SGCD: variants seen among roughly 807,000 people sequenced by gnomAD.
SGCD encodes the protein sarcoglycan delta, also known as delta-sarcoglycan.
SGCD carries 18 observed loss-of-function variants against 36.6 expected under a neutral mutation model. That is an observed-to-expected ratio of 0.49 (90% CI 0.34 to 0.73). The LOEUF (loss-of-function observed/expected upper bound fraction) is 0.73. SGCD is among the 30% of genes least tolerant of loss of function. The pLI is 0.01. For synonymous variants in SGCD, 133 were observed against 130.6 expected, an observed-to-expected ratio of 1.02 and a Z score of -0.12; for missense variants, 387 against 346.7, an observed-to-expected ratio of 1.12 and a Z score of -0.92.
intron 1 of SGCD, among the ~76,000 whole-genome samples, chr5:155,962,019 A>C (rs2113450934): frequency 6.6e-6 from 1 of 152,220 alleles, no homozygotes; most frequent in South Asian, 2.1e-4. Flanking sequence ...TACGCATCAA[A>C]TGCTTTATTG....
intron 3 of SGCD, among the ~76,000 whole-genome samples, chr5:156,482,795 GTAT>G (rs1400610406): frequency 1.6e-5 from 2 of 127,730 alleles, no homozygotes; most frequent in African/African-American, 5.8e-5. Flanking sequence ...AGAGCAGGTA[GTAT>G]TATCCTTTTG....
chr5:156,405,593 A>C (rs545793666), intron 3 of SGCD, among the ~76,000 whole-genome samples: 1 of 152,218 alleles, frequency 6.6e-6, no homozygotes, highest in Non-Finnish European at 1.5e-5. Context: ...CCCATCTGTC[A>C]TCTAAATTTT....
intron 3 of SGCD, among the ~76,000 whole-genome samples, chr5:156,202,498 G>A (rs1330634523): frequency 1.3e-5 from 2 of 152,118 alleles, no homozygotes; most frequent in East Asian, 3.9e-4. Context: ...TTAGCACTGA[G>A]ATTTCTTGAC....
intron 1 of SGCD, among the ~76,000 whole-genome samples, chr5:155,896,487 A>C (rs79661258): frequency 3.1e-5 from 4 of 130,348 alleles, no homozygotes; most frequent in East Asian, 2.3e-4. Context: ...AAAAAAAAAA[A>C]ACACAAGAAT....
At chr5:155,945,142 T>G (rs921920071) in intron 1 of SGCD, among the ~76,000 whole-genome samples, 31 of 152,110 alleles carry the variant, frequency 2.0e-4, no homozygotes, top group Non-Finnish European at 1.5e-4. Context: ...CAAATGAAAA[T>G]TTTGAGAACC....
chr5:156,129,752 G>C (rs1204617751), intron 3 of SGCD, among the ~76,000 whole-genome samples: 1 of 152,150 alleles, frequency 6.6e-6, no homozygotes, highest in Non-Finnish European at 1.5e-5. Context: ...TTGGTTTTCT[G>C]TTCCTGTGTT....
At chr5:155,875,281 G>C (rs898597986) in intron 1 of SGCD, among the ~76,000 whole-genome samples, 1 of 152,036 alleles carries the variant, frequency 6.6e-6, no homozygotes, top group African/African-American at 2.4e-5. Context: ...AGGTCTGATG[G>C]ATATGTTCAT....
At chr5:156,279,304 C>A (rs1766389828) in intron 3 of SGCD, among the ~76,000 whole-genome samples, 1 of 152,158 alleles carries the variant, frequency 6.6e-6, no homozygotes, top group Non-Finnish European at 1.5e-5. Context: ...AAATCAAATA[C>A]AGAGCTGTAG....
chr5:156,230,199 G>A (rs1202434814), intron 3 of SGCD, among the ~76,000 whole-genome samples: 3 of 152,048 alleles, frequency 2.0e-5, no homozygotes, highest in Non-Finnish European at 4.4e-5. Flanking sequence ...GTTTCTTCTT[G>A]GTTTGGATCC....
intron 3 of SGCD, among the ~76,000 whole-genome samples, chr5:156,423,338 TAATATATTATA>T (rs1773480979): frequency 4.2e-5 from 2 of 47,492 alleles, no homozygotes; most frequent in Non-Finnish European, 6.3e-5. Context: ...TATTATAATA[TAATATATTATA>T]ATTTTATTAT....
chr5:156,555,787 A>G (rs994318462), intron 4 of SGCD, among the ~76,000 whole-genome samples: 2 of 151,792 alleles, frequency 1.3e-5, no homozygotes, highest in Non-Finnish European at 2.9e-5. Flanking sequence ...GAGTATTTCC[A>G]TCTTCATAAT....
chr5:156,293,281 G>C (rs892288307), intron 3 of SGCD, among the ~76,000 whole-genome samples: 1 of 151,964 alleles, frequency 6.6e-6, no homozygotes, highest in African/African-American at 2.4e-5. Context: ...AATATTTAAT[G>C]CACAAAATTT....
At chr5:155,982,378 A>G (rs1160209064) in intron 1 of SGCD, among the ~76,000 whole-genome samples, 2 of 152,244 alleles carry the variant, frequency 1.3e-5, no homozygotes, top group Non-Finnish European at 2.9e-5. Context: ...AATGCTAGAA[A>G]GTTCTCAGTT....
chr5:156,250,268 C>T (rs1765542161), intron 3 of SGCD, among the ~76,000 whole-genome samples: 1 of 152,132 alleles, frequency 6.6e-6, no homozygotes, highest in African/African-American at 2.4e-5. Context: ...AGGTACCTTT[C>T]TAAATTGAAC....
chr5:155,987,665 G>T (rs1019792012), intron 1 of SGCD, among the ~76,000 whole-genome samples: 1 of 152,150 alleles, frequency 6.6e-6, no homozygotes, highest in African/African-American at 2.4e-5. Context: ...AGTTCTCACA[G>T]AAGCTTTTAC....
intron 3 of SGCD, among the ~76,000 whole-genome samples, chr5:156,423,605 C>T (rs962104817): frequency 5.3e-5 from 8 of 150,996 alleles, no homozygotes; most frequent in African/African-American, 1.7e-4. Context: ...AGAACACTGC[C>T]TGACACTTAA....
intron 1 of SGCD, among the ~76,000 whole-genome samples, chr5:156,028,893 A>G (rs1759281200): frequency 6.6e-6 from 1 of 152,176 alleles, no homozygotes; most frequent in African/African-American, 2.4e-5. Flanking sequence ...TACTAATTAA[A>G]AGACATACCA....
intron 3 of SGCD, among the ~76,000 whole-genome samples, chr5:156,185,990 G>A (rs529511354): frequency 1.1e-4 from 16 of 148,222 alleles, no homozygotes; most frequent in African/African-American, 2.0e-4. Flanking sequence ...ATCTGTGATC[G>A]GAATAACGAA....
intron 4 of SGCD, among the ~76,000 whole-genome samples, chr5:156,512,929 T>C (rs888213306): frequency 2.6e-5 from 4 of 152,146 alleles, no homozygotes; most frequent in Non-Finnish European, 5.9e-5. Context: ...GAGTACGATT[T>C]TTTTTTTTTC....
Sources: gnomAD v4.1 joint callset for allele counts (sites outside exome capture counted in the v4.1 genomes callset) on GRCh38, gnomAD v4.1.1 for gene constraint, MANE v1.5 for transcripts, NCBI Gene and HGNC (gene_info 2026-07-23, HGNC 2026-07-21) for gene names.